The following SNRNP48 variants were observed in gnomAD, a reference collection of about 807,000 sequenced individuals.
SNRNP48 encodes the protein U11/U12 small nuclear ribonucleoprotein 48 kDa protein.
In SNRNP48, 43 loss-of-function variants were observed where a neutral mutation model predicts 47.0. The ratio of observed to expected loss-of-function variants is 0.92; its 90% CI spans 0.72 to 1.18. The LOEUF is 1.18. SNRNP48 is among the 50% of genes most tolerant of loss of function. The pLI is 0.00. For missense variants in SNRNP48, 396 were observed against 422.2 expected (o/e 0.94, Z 0.54); for synonymous variants, 138 against 144.0 (o/e 0.96, Z 0.30).
intron 4 of SNRNP48, among the ~76,000 whole-genome samples, chr6:7,597,337 C>G (rs993559603): frequency 6.6e-6 from 1 of 152,192 alleles, no homozygotes; most frequent in Non-Finnish European, 1.5e-5. Context: ...TGATGTCTTT[C>G]ATGATTAAGT....
intron 8 of SNRNP48, 97 bp from the exon 9 acceptor site, chr6:7,608,728 C>G: frequency 1.8e-6 from 1 of 541,568 alleles, no homozygotes; most frequent in Non-Finnish European, 3.0e-6. Flanking sequence ...TAGCATATTA[C>G]TGTTGAAAGT....
intron 8 of SNRNP48, among the ~76,000 whole-genome samples, chr6:7,607,319 A>G (rs1250430652): frequency 6.6e-6 from 1 of 152,206 alleles, no homozygotes; most frequent in Non-Finnish European, 1.5e-5. Flanking sequence ...CCCTGTCTCA[A>G]AAAAAGTGAG....
intron 7 of SNRNP48, 80 bp from the exon 8 acceptor site, chr6:7,605,951 C>T: frequency 2.1e-6 from 3 of 1,399,636 alleles, no homozygotes; most frequent in Non-Finnish European, 2.9e-6. Flanking sequence ...GAATATTACA[C>T]TTTAGACTGG....
chr6:7,605,993 G>T (rs757926190), intron 7 of SNRNP48, 38 bp from the exon 8 acceptor site: 5 of 1,566,400 alleles, frequency 3.2e-6, no homozygotes, highest in Admixed American at 2.0e-5. Context: ...GAGACCAGTG[G>T]TAACACAAAC....
intron 4 of SNRNP48, chr6:7,600,821 G>C (rs1311677239): frequency 6.6e-6 from 1 of 152,184 alleles, no homozygotes; most frequent in East Asian, 1.9e-4. Flanking sequence ...CCTTGCACAA[G>C]TGGGATATAT....
At chr6:7,594,580 G>A (rs1759871033) in intron 3 of SNRNP48, among the ~76,000 whole-genome samples, 1 of 152,168 alleles carries the variant, frequency 6.6e-6, no homozygotes, top group African/African-American at 2.4e-5. Context: ...TTTCAGCGAG[G>A]TAATTAACCT....
At chr6:7,602,309 T>G (rs1274461584) in intron 5 of SNRNP48, among the ~76,000 whole-genome samples, 1 of 152,178 alleles carries the variant, frequency 6.6e-6, no homozygotes, top group African/African-American at 2.4e-5. Flanking sequence ...GCATGGATAC[T>G]GAGGGATATT....
chr6:7,593,618 G>T, intron 1 of SNRNP48, 116 bp from the exon 2 acceptor site: 2 of 545,530 alleles, frequency 3.7e-6, no homozygotes, highest in South Asian at 1.1e-4. Context: ...AGAGAGGCCT[G>T]TAGAAGAGGA....
rs1336055981 is a variant in SNRNP48 at position 7,611,955 on chromosome 6, CT to C, written c.*3086del. 2.0e-5 allele frequency: 3 copies of C among 152,308 alleles called. No individual in the cohort carries two copies. The highest frequency in any genetic ancestry group is 2.9e-5 in the Non-Finnish European group (2 of 68,024). The allele number at this position is 152,308 out of a possible 1,614,324, so 9.4% of individuals were successfully genotyped here. On this transcript the variant is annotated 3_prime_UTR_variant, in exon 9 of 9. Transcript: ENST00000342415. The stretch of plus-strand genomic sequence containing the variant: ...GTGTGTGAATTATTAAACTAACGCT[CT>C]TTTAAACCACACTTGTTTTATTAGT...
intron 7 of SNRNP48, among the ~76,000 whole-genome samples, chr6:7,605,695 A>G (rs755541247): frequency 2.0e-5 from 3 of 152,218 alleles, no homozygotes; most frequent in Non-Finnish European, 2.9e-5. Context: ...GGGGATAGCC[A>G]TATTAGTGAA....
At chr6:7,608,343 G>C (rs890983348) in intron 8 of SNRNP48, among the ~76,000 whole-genome samples, 3 of 152,092 alleles carry the variant, frequency 2.0e-5, no homozygotes, top group Non-Finnish European at 4.4e-5. Context: ...GATCACCTGA[G>C]GTCAGGAGTT....
At chr6:7,599,798 G>T in intron 4 of SNRNP48, 5 of 1,246,690 alleles carry the variant, frequency 4.0e-6, no homozygotes, top group Non-Finnish European at 5.2e-6. Context: ...CTTAATACCT[G>T]TCACATATTA....
intron 1 of SNRNP48, 74 bp downstream of exon 1, chr6:7,590,487 A>C (rs911343628): frequency 1.6e-6 from 2 of 1,242,610 alleles, no homozygotes; most frequent in African/African-American, 3.1e-5. Context: ...GGAGATCCGC[A>C]CTGGCAGCCG....
At chr6:7,606,221 C>A in intron 8 of SNRNP48, 26 bp downstream of exon 8, 1 of 1,572,546 alleles carries the variant, frequency 6.4e-7, no homozygotes, top group Non-Finnish European at 8.6e-7. Context: ...CATCATCCAA[C>A]GTTGAATTCT....
In SNRNP48 at chr6:7,590,430, C is replaced by T. The variant is rs756714177; in HGVS notation, c.156+17C>T. ...GCGGCGGAGGTGAGGAGCGCGGCCG[C>T]GGGGCCCTTTCGGGGACTATCGGCC... On this transcript the variant is annotated intron_variant, in intron 1 of 8. Coordinates refer to ENST00000342415, the MANE Select transcript of SNRNP48 (RefSeq NM_152551.4). 3 of 1,280,986 alleles carry T rather than the reference C, an allele frequency of 2.3e-6. No homozygotes were observed. The highest frequency in any genetic ancestry group is 1.5e-5 in the African/African-American group (1 of 64,976). The allele number at this position is 1,280,986 out of a possible 1,614,324, so 79.4% of individuals were successfully genotyped here.
In SNRNP48 at chr6:7,601,466, T is replaced by C; in HGVS notation, c.537T>C (p.Ser179=). 1 of 1,600,068 alleles carries C rather than the reference T, an allele frequency of 6.2e-7. No homozygotes were observed. Among genetic ancestry groups the C allele is most frequent in the Non-Finnish European group, 8.5e-7 (1 of 1,176,976 alleles). The change falls in exon 5 of 9, where the codon TCT becomes TCC. Residue 179 remains serine (S), a synonymous_variant. Transcript: ENST00000342415. ...VEETKKKRSD[S]QIIENDSDLF... ...AGACAAAGAAAAAGCGCTCTGATTC[T>C]CAAATTATTGAAAATGACAGCGATC...
At chr6:7,602,549 ATGTAT>A in intron 5 of SNRNP48, 69 bp from the exon 6 acceptor site, 1 of 1,135,982 alleles carries the variant, frequency 8.8e-7, no homozygotes, top group Non-Finnish European at 1.2e-6. Flanking sequence ...TAGGATTGTG[ATGTAT>A]TTATTTGATA....
intron 6 of SNRNP48, among the ~76,000 whole-genome samples, chr6:7,604,955 T>C (rs989916958): frequency 4.6e-5 from 7 of 152,164 alleles, no homozygotes; most frequent in Admixed American, 1.3e-4. Flanking sequence ...TCCCATATTG[T>C]CTTTACCCAG....
chr6:7,595,864 T>C (rs1477357334), intron 4 of SNRNP48, among the ~76,000 whole-genome samples: 1 of 152,204 alleles, frequency 6.6e-6, no homozygotes, highest in Non-Finnish European at 1.5e-5. Flanking sequence ...ATGCCCAGCT[T>C]TAGAGCTGGG....
Sources: gnomAD v4.1 joint callset for allele counts (sites outside exome capture counted in the v4.1 genomes callset) on GRCh38, gnomAD v4.1.1 for gene constraint, MANE v1.5 for transcripts, NCBI Gene and HGNC (gene_info 2026-07-23, HGNC 2026-07-21) for gene names.